The following ZNF276 variants were observed in gnomAD, a reference collection of about 807,000 sequenced individuals.
The protein encoded by ZNF276 is centromere protein Z.
A neutral mutation model predicts 63.9 loss-of-function variants in ZNF276; 59 were observed. That is an observed-to-expected ratio of 0.92 (90% CI 0.75 to 1.15). ZNF276 has a LOEUF of 1.15. Among genes scored for constraint, ZNF276 ranks in the 50% most tolerant of loss-of-function variants. The probability of loss-of-function intolerance (pLI) is 0.00; values close to 1 mark genes in which losing one functional copy is unlikely to be tolerated. For synonymous variants in ZNF276, 496 were observed against 348.4 expected (o/e 1.42, Z -4.72); for missense variants, 1,084 against 843.8 (o/e 1.28, Z -3.53).
intron 4 of ZNF276, among the ~76,000 whole-genome samples, chr16:89,724,714 G>A (rs1440076960): frequency 3.3e-5 from 5 of 152,194 alleles, no homozygotes; most frequent in Non-Finnish European, 7.3e-5. Flanking sequence ...GTGCGGCTCG[G>A]GGGCCTCAGG....
chr16:89,724,022 G>A (rs2061392635), intron 4 of ZNF276, among the ~76,000 whole-genome samples: 1 of 152,248 alleles, frequency 6.6e-6, no homozygotes, highest in African/African-American at 2.4e-5. Context: ...GAGGAAGAGG[G>A]AAGAATAGGG....
At position 89,725,554 on chromosome 16, in the gene ZNF276, T is replaced by G. The variant is rs1418956245; in HGVS notation, c.1007-1725T>G. On this transcript the variant is annotated intron_variant, in intron 4 of 10. Transcript: ENST00000443381. ...CGCCTGTAATCCCAGCACTCTGGGA[T>G]GCTGAGGTAGGCGGATCACGGGGTC... 2.0e-5 allele frequency among the ~76,000 whole-genome samples: 3 copies of G among 151,664 alleles called. No individual in the cohort carries two copies. In the South Asian group the frequency reaches 6.3e-4, roughly 32 times the overall value.
At chr16:89,735,229 C>T (rs965661932) in intron 9 of ZNF276, among the ~76,000 whole-genome samples, 16 of 150,008 alleles carry the variant, frequency 1.1e-4, no homozygotes, top group African/African-American at 3.7e-4. Context: ...AGTGCAGGTT[C>T]TGTAGGGTCT....
chr16:89,725,718 G>A (rs2061447650), intron 4 of ZNF276, among the ~76,000 whole-genome samples: 1 of 152,086 alleles, frequency 6.6e-6, no homozygotes, highest in South Asian at 2.1e-4. Context: ...TTGACCCTGG[G>A]AGGCGGAGAT....
chr16:89,734,779 G>T (rs1043362330), intron 9 of ZNF276, among the ~76,000 whole-genome samples: 1 of 152,202 alleles, frequency 6.6e-6, no homozygotes, highest in Non-Finnish European at 1.5e-5. Flanking sequence ...TTATGACTGA[G>T]GGTGCTGTCT....
intron 9 of ZNF276, among the ~76,000 whole-genome samples, chr16:89,736,821 C>T (rs559301487): frequency 1.1e-5 from 1 of 91,842 alleles, no homozygotes; most frequent in Non-Finnish European, 2.2e-5. Context: ...AAAAGAATCC[C>T]TTGAACCTGG....
chr16:89,725,715 T>C (rs1205041576), intron 4 of ZNF276, among the ~76,000 whole-genome samples: 1 of 151,994 alleles, frequency 6.6e-6, no homozygotes, highest in Non-Finnish European at 1.5e-5. Context: ...CGCTTGACCC[T>C]GGGAGGCGGA....
intron 6 of ZNF276, chr16:89,732,182 T>C (rs1194306134): frequency 1.3e-5 from 2 of 152,218 alleles, no homozygotes; most frequent in South Asian, 2.1e-4. Context: ...AAGTCTCCGA[T>C]AGACGCACAC....
chr16:89,739,568 A>G lies in ZNF276; in HGVS notation c.*1322A>G, dbSNP rs1284470221. ...CAGCCTGAGGTCTGCAACACCAAGA[A>G]GTGGCTCAGGCAACTCTGGACATCT... On this transcript the variant is annotated 3_prime_UTR_variant, in exon 11 of 11. Coordinates refer to ENST00000443381, the MANE Select transcript of ZNF276 (RefSeq NM_001113525.2). The G allele has an allele frequency of 7.7e-6, 12 of 1,550,786 alleles. No individual in the cohort carries two copies. The East Asian group carries it at 2.2e-4, about 28-fold the overall frequency.
chr16:89,739,156 T>C lies in ZNF276; in HGVS notation c.*910T>C. 1.9e-6 allele frequency: 3 copies of C among 1,614,164 alleles called. No individual in the cohort carries two copies. Among genetic ancestry groups the C allele is most frequent in the Non-Finnish European group, 2.5e-6 (3 of 1,180,036 alleles). On this transcript the variant is annotated 3_prime_UTR_variant, in exon 11 of 11. Transcript: ENST00000443381. Reference sequence around the variant, plus strand: ...GCCTGACCCTTGAGCTCCAGGCTCCTGCCAGCTGGAGGTGAAACTGTGCTT... The same window carrying C: ...GCCTGACCCTTGAGCTCCAGGCTCCCGCCAGCTGGAGGTGAAACTGTGCTT...
intron 9 of ZNF276, among the ~76,000 whole-genome samples, 191 bp downstream of exon 9, chr16:89,734,229 T>C (rs1398669405): frequency 2.0e-5 from 3 of 152,228 alleles, no homozygotes; most frequent in Admixed American, 1.3e-4. Flanking sequence ...TGCCCTTCCC[T>C]GTGATGGAAG....
chr16:89,736,174 A>G (rs1390293710), intron 9 of ZNF276, among the ~76,000 whole-genome samples: 1 of 151,938 alleles, frequency 6.6e-6, no homozygotes, highest in Non-Finnish European at 1.5e-5. Context: ...TATAAGCGTG[A>G]GCCATGACGC....
intron 9 of ZNF276, 33 bp downstream of exon 9, chr16:89,734,071 G>A: frequency 6.3e-7 from 1 of 1,598,644 alleles, no homozygotes; most frequent in Non-Finnish European, 8.6e-7. Flanking sequence ...CCACGCGGGT[G>A]ACAGCCAGGG....
At chr16:89,728,639 T>C (rs1334975669) in intron 5 of ZNF276, among the ~76,000 whole-genome samples, 1 of 152,142 alleles carries the variant, frequency 6.6e-6, no homozygotes. Context: ...CCTGACCTCG[T>C]GATCCGCCCG....
intron 5 of ZNF276, among the ~76,000 whole-genome samples, chr16:89,728,899 G>T (rs966354807): frequency 1.3e-5 from 2 of 152,170 alleles, no homozygotes; most frequent in Non-Finnish European, 2.9e-5. Flanking sequence ...TCGCAGTTAT[G>T]GGGTGAGGTG....
At chr16:89,726,024 T>TA (rs2061459585) in intron 4 of ZNF276, among the ~76,000 whole-genome samples, 1 of 152,154 alleles carries the variant, frequency 6.6e-6, no homozygotes, top group Admixed American at 6.5e-5. Flanking sequence ...AGAACAGTAT[T>TA]ATTTATTTAT....
intron 4 of ZNF276, 136 bp downstream of exon 4, chr16:89,723,845 C>G: frequency 3.0e-6 from 3 of 993,416 alleles, no homozygotes; most frequent in Non-Finnish European, 4.3e-6. Flanking sequence ...GAGCTTGGGG[C>G]TTCTGCCTGC....
chr16:89,737,667 G>A (rs1034662653), intron 9 of ZNF276, 139 bp from the exon 10 acceptor site: 3 of 1,500,030 alleles, frequency 2.0e-6, no homozygotes, highest in Non-Finnish European at 2.7e-6. Context: ...GCCCTCATAG[G>A]CCCCTTGCTT....
intron 5 of ZNF276, among the ~76,000 whole-genome samples, chr16:89,728,360 G>A (rs868545331): frequency 3.4e-4 from 51 of 152,024 alleles, no homozygotes; most frequent in Middle Eastern, 3.4e-3. Context: ...GAGTAGCTGG[G>A]ATTACAGGCG....
Sources: allele counts gnomAD v4.1 joint callset (sites outside exome capture counted in the v4.1 genomes callset), GRCh38; gene constraint gnomAD v4.1.1; transcripts MANE v1.5; gene names NCBI Gene and HGNC (gene_info 2026-07-23, HGNC 2026-07-21).